The following AEBP1 variants were observed in gnomAD, a reference collection of about 807,000 sequenced individuals.
The protein encoded by AEBP1 is AE binding protein 1.
Under a neutral mutation model 116.5 loss-of-function variants are expected in AEBP1, and 69 were observed. The observed-to-expected ratio is 0.59, with a 90% CI of 0.49 to 0.72. The LOEUF (loss-of-function observed/expected upper bound fraction) is 0.72. AEBP1 is among the 30% of genes least tolerant of loss of function. The pLI is 0.00. For missense variants in AEBP1, 1,444 were observed against 1,557.5 expected, an observed-to-expected ratio of 0.93 and a Z score of 1.23; for synonymous variants, 627 against 627.3, an observed-to-expected ratio of 1.00 and a Z score of 0.01.
In AEBP1 at chr7:44,107,357, A is replaced by G. The variant is rs1172103898; in HGVS notation, c.596-82A>G. On this transcript the variant is annotated intron_variant, in intron 2 of 20. Coordinates refer to ENST00000223357, the MANE Select transcript of AEBP1 (RefSeq NM_001129.5). This position sits in a 1 kb window ranked among gnomAD's most constrained non-coding sequence, Gnocchi z 4.3. ...TGTCCACAGGCTCTGTGTGGGCTCTATGGGTGGCTGGTGGCCTGAGGCTCC... is the reference window on the plus strand; with the variant it reads ...TGTCCACAGGCTCTGTGTGGGCTCTGTGGGTGGCTGGTGGCCTGAGGCTCC... 2.2e-6 allele frequency: 3 copies of G among 1,394,114 alleles called. No homozygotes were observed. Among genetic ancestry groups the G allele is most frequent in the African/African-American group, 2.8e-5 (2 of 70,442 alleles). 86.4% of individuals were successfully genotyped at this position (1,394,114 alleles called of 1,614,324 possible).
At position 44,111,602 on chromosome 7, in the gene AEBP1, C is replaced by A. The variant is rs1303196781; in HGVS notation, c.1812C>A (p.Ile604=). ...GCCTCAAGATCTATGCCATGGAGAT[C>A]TCAGACAACCCTGGGGAGCATGAAC... is the stretch of plus-strand genomic sequence containing the variant. ...SRGLKIYAME[I]SDNPGEHELG... The change falls in exon 15 of 21, where the codon ATC becomes ATA. Residue 604 remains isoleucine (I), a synonymous_variant. Coordinates refer to ENST00000223357, the MANE Select transcript of AEBP1 (RefSeq NM_001129.5). The surrounding 1 kb of genome is among the most constrained non-coding windows in gnomAD (Gnocchi z 4.7). The A allele has an allele frequency of 6.2e-7, 1 of 1,613,242 alleles. No individual in the cohort carries two copies. Among genetic ancestry groups the A allele is most frequent in the Non-Finnish European group, 8.5e-7 (1 of 1,179,748 alleles).
chr7:44,108,803 C>T lies in AEBP1; in HGVS notation c.941-96C>T, dbSNP rs901107594. 1.5e-5 allele frequency: 17 copies of T among 1,151,334 alleles called. No homozygotes were observed. The African/African-American group carries it at 2.5e-4, about 17-fold the overall frequency. 71.3% of individuals were successfully genotyped at this position (1,151,334 alleles called of 1,614,324 possible). A position where few individuals can be genotyped will look rare whatever the true frequency, so the allele number is the denominator to read the frequency against. On this transcript the variant is annotated intron_variant, in intron 6 of 20. Transcript: ENST00000223357. The surrounding 1 kb of genome is among the most constrained non-coding windows in gnomAD (Gnocchi z 5.0). ...CCCCCATCTCCCGTCCTCCTCCCCTCTGGCGCGGTCCTGTCCTGCTGAGCT... is the reference window on the plus strand; with the variant it reads ...CCCCCATCTCCCGTCCTCCTCCCCTTTGGCGCGGTCCTGTCCTGCTGAGCT...
Position 44,111,855 on chromosome 7 carries a change from G to A in AEBP1, c.1842G>A (p.Gly614=), listed in dbSNP as rs1183480735. The A allele has an allele frequency of 1.2e-6, 2 of 1,612,386 alleles. No individual in the cohort carries two copies. Among genetic ancestry groups the A allele is most frequent in the Admixed American group, 1.7e-5 (1 of 59,934 alleles). The part of the protein sequence containing the change: ...ISDNPGEHEL[G]EPEFRYTAGI... ...TCACTGAGGCTCCCGCCCTTGCAGG[G>A]GAGCCCGAGTTCCGCTACACTGCTG... is the stretch of plus-strand genomic sequence containing the variant. The change falls in exon 16 of 21, where the codon GGG becomes GGA. Residue 614 remains glycine, a splice_region_variant and synonymous_variant. Coordinates refer to ENST00000223357, the MANE Select transcript of AEBP1 (RefSeq NM_001129.5). This position sits in a 1 kb window ranked among gnomAD's most constrained non-coding sequence, Gnocchi z 4.7.
In AEBP1 at chr7:44,113,819, C is replaced by A. The variant is rs748198860; in HGVS notation, c.3035C>A (p.Thr1012Asn). 5.6e-6 allele frequency: 9 copies of A among 1,613,806 alleles called. No homozygotes were observed. Among genetic ancestry groups the A allele is most frequent in the Non-Finnish European group, 7.6e-6 (9 of 1,179,974 alleles). ...CACATAGACCCATCGCGCCCTATGA[C>A]CCCCCAACAGCGACGCCTGCAGCAG... ...IPHIDPSRPM[T>N]PQQRRLQQRR... Residue 1012 changes from threonine to asparagine, a missense_variant, in exon 21 of 21, where the codon ACC becomes AAC. Physicochemically the swap from Thr to Asn is moderately conservative, Grantham distance 65 (BLOSUM62 0). Coordinates refer to ENST00000223357, the MANE Select transcript of AEBP1 (RefSeq NM_001129.5). This position sits in a 1 kb window ranked among gnomAD's most constrained non-coding sequence, Gnocchi z 5.3.
At chr7:44,110,567 T>C (rs1429142706) in intron 11 of AEBP1, among the ~76,000 whole-genome samples, 158 bp from the exon 12 acceptor site, 1 of 152,208 alleles carries the variant, frequency 6.6e-6, no homozygotes, top group African/African-American at 2.4e-5. Flanking sequence ...CACCTGCCCA[T>C]GGCTATGTGA....
In AEBP1 at chr7:44,111,420, C is replaced by A. The variant is rs1219870612; in HGVS notation, c.1717-87C>A. 29 of 1,490,182 alleles carry A rather than the reference C, an allele frequency of 1.9e-5. No homozygotes were observed. The Admixed American group carries it at 2.7e-4, about 14-fold the overall frequency. The allele number at this position is 1,490,182 out of a possible 1,614,324, so 92.3% of individuals were successfully genotyped here. ...TGAAGGGGTCATGCCCGTCCCTCGC[C>A]ATAGAGCAGGCCCTGGAAGTGGAAG... On this transcript the variant is annotated intron_variant, in intron 14 of 20. Transcript: ENST00000223357. The surrounding 1 kb of genome is among the most constrained non-coding windows in gnomAD (Gnocchi z 4.7).
chr7:44,106,241 G>C (rs1271670757), intron 1 of AEBP1: 2 of 563,410 alleles, frequency 3.5e-6, no homozygotes, highest in African/African-American at 3.7e-5. Flanking sequence ...GGAGTGGATA[G>C]TAAGGAACCC....
In AEBP1 at chr7:44,111,954, C is replaced by T. The variant is rs758362244; in HGVS notation, c.1941C>T (p.Arg647=). ...LLMQYLCREY[R]DGNPRVRSLV... ...TGCAGTACCTGTGCCGAGAGTACCG[C>T]GATGGGAACCCACGTGTGCGCAGCC... is the stretch of plus-strand genomic sequence containing the variant. Residue 647 remains arginine (R), a synonymous_variant, in exon 16 of 21, where the codon CGC becomes CGT. Coordinates refer to ENST00000223357, the MANE Select transcript of AEBP1 (RefSeq NM_001129.5). This position sits in a 1 kb window ranked among gnomAD's most constrained non-coding sequence, Gnocchi z 4.7. 11 of 1,613,740 alleles carry T rather than the reference C, an allele frequency of 6.8e-6. No homozygotes were observed. In the East Asian group the frequency reaches 1.3e-4, roughly 20 times the overall value.
At position 44,112,289 on chromosome 7, in the gene AEBP1, A is replaced by T. The variant is rs2096230366; in HGVS notation, c.2185A>T (p.Ile729Phe). The T allele has an allele frequency of 6.4e-7, 1 of 1,571,612 alleles. No individual in the cohort carries two copies. Among genetic ancestry groups the T allele is most frequent in the Non-Finnish European group, 8.7e-7 (1 of 1,155,932 alleles). Residue 729 changes from isoleucine to phenylalanine, a missense_variant, in exon 17 of 21, where the codon ATC becomes TTC. Physicochemically the swap from Ile to Phe is conservative, Grantham distance 21. Coordinates refer to ENST00000223357, the MANE Select transcript of AEBP1 (RefSeq NM_001129.5). The surrounding 1 kb of genome is among the most constrained non-coding windows in gnomAD (Gnocchi z 6.6). ...PYRVPNNNLP[I>F]PERYLSPDAT... ...CCGGGTCCCCAACAATAACTTGCCC[A>T]TCCCTGAACGCTACCTTTCGCCAGA...
chr7:44,112,026 T>C lies in AEBP1; in HGVS notation c.2013T>C (p.Asp671=). 1 of 1,613,620 alleles carries C rather than the reference T, an allele frequency of 6.2e-7. No homozygotes were observed. The highest frequency in any genetic ancestry group is 8.5e-7 in the Non-Finnish European group (1 of 1,179,846). The stretch of plus-strand genomic sequence containing the variant: ...ACCTGGTGCCCTCACTGAACCCTGA[T>C]GGCTACGAGGTGGCAGCGCAGATGG... The part of the protein sequence containing the change: ...RIHLVPSLNP[D]GYEVAAQMGS... The change falls in exon 16 of 21, where the codon GAT becomes GAC. Residue 671 remains aspartate (D), a synonymous_variant. Coordinates refer to ENST00000223357, the MANE Select transcript of AEBP1 (RefSeq NM_001129.5). The surrounding 1 kb of genome is among the most constrained non-coding windows in gnomAD (Gnocchi z 6.6).
In AEBP1 at chr7:44,109,160, G is replaced by A. The variant is rs1264072368; in HGVS notation, c.1072G>A (p.Val358Met). 6 of 1,613,710 alleles carry A rather than the reference G, an allele frequency of 3.7e-6. No homozygotes were observed. The highest frequency in any genetic ancestry group is 5.1e-6 in the Non-Finnish European group (6 of 1,180,024). ...CAAGGAGGAGACCGACAAGTGGGCA[G>A]TGGAGAAGGGCAAGGACCACAAAGG... is the stretch of plus-strand genomic sequence containing the variant. The part of the protein sequence containing the change: ...SPKEETDKWA[V>M]EKGKDHKEPR... Residue 358 changes from valine to methionine, a missense_variant, in exon 8 of 21, where the codon GTG (valine) becomes ATG (methionine). Coordinates refer to ENST00000223357, the MANE Select transcript of AEBP1 (RefSeq NM_001129.5).
Position 44,110,789 on chromosome 7 carries a change from A to T in AEBP1, c.1465A>T (p.Thr489Ser). The change falls in exon 12 of 21, where the codon ACC becomes TCC. Residue 489 changes from threonine (T) to serine (S), a missense_variant. Transcript: ENST00000223357. Reference sequence around the variant, plus strand: ...TGACAGCCAGACATGGGTGATGTACACCAACGGCTATGAGGAAATGGTGGG... The same window carrying T: ...TGACAGCCAGACATGGGTGATGTACTCCAACGGCTATGAGGAAATGGTGGG... ...SNDSQTWVMY[T>S]NGYEEMTFHG... 1 of 1,548,670 alleles carries T rather than the reference A, an allele frequency of 6.5e-7. No homozygotes were observed. Among genetic ancestry groups the T allele is most frequent in the Non-Finnish European group, 8.7e-7 (1 of 1,147,494 alleles).
rs752971610 is a variant in AEBP1, at chr7:44,114,297, G to A, written c.*36G>A. ...CTACCAAGACCCCAGCCCAACTCAA[G>A]CTACAGCAGCAGCACTTCCCAAGCC... On this transcript the variant is annotated 3_prime_UTR_variant, in exon 21 of 21. Coordinates refer to ENST00000223357, the MANE Select transcript of AEBP1 (RefSeq NM_001129.5). 3 of 1,607,286 alleles carry A rather than the reference G, an allele frequency of 1.9e-6. No homozygotes were observed. The highest frequency in any genetic ancestry group is 2.7e-5 in the African/African-American group (2 of 74,752).
intron 11 of AEBP1, 143 bp downstream of exon 11, chr7:44,110,489 C>T (rs1001386189): frequency 7.8e-7 from 1 of 1,283,018 alleles, no homozygotes; most frequent in Admixed American, 2.4e-5. Context: ...CTCACCCTGC[C>T]CATCCCCACT....
At position 44,112,732 on chromosome 7, in the gene AEBP1, G is replaced by A. The variant is rs756029178; in HGVS notation, c.2392G>A (p.Asp798Asn). The change falls in exon 18 of 21, where the codon GAC becomes AAC. Residue 798 changes from aspartate (D) to asparagine (N), a missense_variant. Physicochemically the swap from Asp to Asn is conservative, Grantham distance 23 (BLOSUM62 1). Transcript: ENST00000223357. The surrounding 1 kb of genome is among the most constrained non-coding windows in gnomAD (Gnocchi z 6.6). ...AMAAARGEDE[D>N]EVSEAQETPD... ...GGCAGCAGCCCGGGGGGAGGATGAG[G>A]ACGAGGTCTCCGAGGCCCAGGAGAC... 41 of 1,613,248 alleles carry A rather than the reference G, an allele frequency of 2.5e-5. No individual in the cohort carries two copies. The highest frequency in any genetic ancestry group is 3.5e-5 in the Non-Finnish European group (41 of 1,179,970).
intron 1 of AEBP1, among the ~76,000 whole-genome samples, chr7:44,105,898 A>G (rs2128807917): frequency 6.6e-6 from 1 of 152,110 alleles, no homozygotes; most frequent in Non-Finnish European, 1.5e-5. Context: ...TCCCTCTCCC[A>G]GACTCTGAAA....
In AEBP1 at chr7:44,114,065, G is replaced by C; in HGVS notation, c.3281G>C (p.Gly1094Ala). 1.2e-6 allele frequency: 2 copies of C among 1,614,108 alleles called. No homozygotes were observed. The highest frequency in any genetic ancestry group is 1.7e-6 in the Non-Finnish European group (2 of 1,180,008). The change falls in exon 21 of 21, where the codon GGG becomes GCG. Residue 1094 changes from glycine to alanine, a missense_variant. By Grantham distance (60) the Gly-to-Ala change is moderately conservative. Transcript: ENST00000223357. ...ETYTEVVTEF[G>A]TEVEPEFGTK... Reference sequence around the variant, plus strand: ...TACACAGAGGTGGTGACAGAGTTTGGGACCGAGGTGGAGCCCGAGTTTGGG... The same window carrying C: ...TACACAGAGGTGGTGACAGAGTTTGCGACCGAGGTGGAGCCCGAGTTTGGG...
chr7:44,108,989 A>C lies in AEBP1; in HGVS notation c.1018+13A>C. The C allele has an allele frequency of 6.2e-7, 1 of 1,605,954 alleles. No homozygotes were observed. Among genetic ancestry groups the C allele is most frequent in the South Asian group, 1.1e-5 (1 of 89,862 alleles). On this transcript the variant is annotated intron_variant, in intron 7 of 20. Coordinates refer to ENST00000223357, the MANE Select transcript of AEBP1 (RefSeq NM_001129.5). The surrounding 1 kb of genome is among the most constrained non-coding windows in gnomAD (Gnocchi z 5.0). ...AAGGAGGAGCTGAGTGAGTGGGACC[A>C]AGGACTTCCCACACCAGGCCTGCCC...
intron 11 of AEBP1, 84 bp from the exon 12 acceptor site, chr7:44,110,641 T>C (rs1038843936): frequency 1.0e-5 from 13 of 1,288,400 alleles, no homozygotes; most frequent in African/African-American, 9.0e-5. Context: ...TCTTAAATTC[T>C]TGGGGCTCGG....
Sources: gnomAD v4.1 joint callset for allele counts (sites outside exome capture counted in the v4.1 genomes callset) on GRCh38, gnomAD v4.1.1 for gene constraint, Gnocchi (gnomAD v3.1) non-coding constraint, MANE v1.5 for transcripts, NCBI Gene and HGNC (gene_info 2026-07-23, HGNC 2026-07-21) for gene names.